Variants in KCNIP1 observed in about 807,000 individuals in gnomAD.
The protein encoded by KCNIP1 is potassium voltage-gated channel interacting protein 1.
In KCNIP1, 18 loss-of-function variants were observed where a neutral mutation model predicts 33.0. The ratio of observed to expected loss-of-function variants is 0.55; its 90% CI spans 0.38 to 0.81. The LOEUF is 0.81. Ranked by LOEUF, KCNIP1 falls within the 30% of genes least tolerant of loss-of-function variation. KCNIP1 has a pLI of 0.00. For missense variants in KCNIP1, 238 were observed against 271.6 expected (o/e 0.88, Z 0.87); for synonymous variants, 93 against 98.3 (o/e 0.95, Z 0.32).
chr5:170,722,160 C>T (rs1581545118), intron 4 of KCNIP1, among the ~76,000 whole-genome samples: 1 of 152,176 alleles, frequency 6.6e-6, no homozygotes, highest in African/African-American at 2.4e-5. Flanking sequence ...CCAGTGGCAG[C>T]CCCTGTACTT....
upstream of KCNIP1, among the ~76,000 whole-genome samples, chr5:170,502,616 T>A (rs939169101): frequency 6.6e-6 from 1 of 152,196 alleles, no homozygotes; most frequent in Non-Finnish European, 1.5e-5. Flanking sequence ...ACAATAGCAA[T>A]GTCTGTGCGG....
intron 1 of KCNIP1, among the ~76,000 whole-genome samples, chr5:170,598,900 TGCGC>T (rs869212626): frequency 2.3e-4 from 21 of 89,544 alleles, no homozygotes; most frequent in South Asian, 2.0e-3. Context: ...TGTGTGTGTG[TGCGC>T]GTGTGTGTGT....
At chr5:170,529,249 G>A (rs1755697799) in intron 1 of KCNIP1, among the ~76,000 whole-genome samples, 1 of 152,162 alleles carries the variant, frequency 6.6e-6, no homozygotes, top group South Asian at 2.1e-4. Context: ...TAACCTTGGG[G>A]TTCCAAGAGT....
At chr5:170,581,562 G>A (rs980651044) in intron 1 of KCNIP1, among the ~76,000 whole-genome samples, 2 of 152,236 alleles carry the variant, frequency 1.3e-5, no homozygotes, top group African/African-American at 2.4e-5. Flanking sequence ...AGGTGGGGAA[G>A]TGACAACCTG....
At chr5:170,438,539 C>A (rs1755917460) in intron 1 of KCNIP1, among the ~76,000 whole-genome samples, 1 of 152,198 alleles carries the variant, frequency 6.6e-6, no homozygotes, top group Non-Finnish European at 1.5e-5. Flanking sequence ...CTTTGCAAGG[C>A]TGCTCTTGAC....
intron 1 of KCNIP1, among the ~76,000 whole-genome samples, chr5:170,469,684 G>A (rs1056528351): frequency 1.8e-4 from 28 of 152,236 alleles, no homozygotes; most frequent in African/African-American, 5.8e-4. Flanking sequence ...CTTACTCTCC[G>A]GCTTTCAACA....
chr5:170,691,111 A>G (rs35647544), intron 1 of KCNIP1, among the ~76,000 whole-genome samples: 42,746 of 152,194 alleles, frequency 0.28, 6,151 homozygotes, highest in South Asian at 0.39. Flanking sequence ...GCATTTCTCT[A>G]TGGCACCACT....
chr5:170,365,337 G>A (rs769585596), intron 1 of KCNIP1, among the ~76,000 whole-genome samples: 4 of 152,086 alleles, frequency 2.6e-5, no homozygotes, highest in Admixed American at 2.0e-4. Flanking sequence ...TTCCACGTCC[G>A]TCTGTCCATC....
intron 1 of KCNIP1, among the ~76,000 whole-genome samples, chr5:170,644,856 G>A (rs1475289032): frequency 6.6e-6 from 1 of 152,230 alleles, no homozygotes; most frequent in Non-Finnish European, 1.5e-5. Context: ...GGCCTCCAGT[G>A]GGGACAGAGA....
chr5:170,576,735 C>G (rs1757618039), intron 1 of KCNIP1, among the ~76,000 whole-genome samples: 1 of 152,184 alleles, frequency 6.6e-6, no homozygotes, highest in African/African-American at 2.4e-5. Flanking sequence ...TGGTACCTGT[C>G]ACAAAGTACA....
chr5:170,578,825 A>T (rs1015675536), intron 1 of KCNIP1, among the ~76,000 whole-genome samples: 1 of 152,234 alleles, frequency 6.6e-6, no homozygotes, highest in Non-Finnish European at 1.5e-5. Flanking sequence ...TTTGGCTAAC[A>T]TATGAATATA....
chr5:170,634,698 A>C (rs1194219499), intron 1 of KCNIP1, among the ~76,000 whole-genome samples: 1 of 152,240 alleles, frequency 6.6e-6, no homozygotes, highest in Non-Finnish European at 1.5e-5. Context: ...AGGACCAGCA[A>C]AGACTGGGAT....
intron 1 of KCNIP1, among the ~76,000 whole-genome samples, chr5:170,637,082 C>T (rs1251992909): frequency 6.6e-6 from 1 of 151,962 alleles, no homozygotes; most frequent in African/African-American, 2.4e-5. Flanking sequence ...GACAGCCAAT[C>T]AGCAGCCTTC....
intron 1 of KCNIP1, among the ~76,000 whole-genome samples, chr5:170,715,899 T>G (rs1763629006): frequency 6.6e-6 from 1 of 152,126 alleles, no homozygotes; most frequent in Non-Finnish European, 1.5e-5. Flanking sequence ...TCAAGGAGGC[T>G]CCCCACGGGT....
At chr5:170,353,896 G>T in exon 1 of KCNIP1, 1 of 1,614,192 alleles carries the variant, frequency 6.2e-7, no homozygotes, top group South Asian at 1.1e-5. Flanking sequence ...TGCTCCAAAA[G>T]ATGCAAGCTT....
chr5:170,470,826 G>T (rs922965450), intron 1 of KCNIP1, among the ~76,000 whole-genome samples: 4 of 152,170 alleles, frequency 2.6e-5, no homozygotes, highest in Non-Finnish European at 4.4e-5. Context: ...CTTGCCCGTG[G>T]GCATGATCTC....
chr5:170,451,743 G>C lies in KCNIP1; in HGVS notation c.88+97779G>C, dbSNP rs551450282. 5.3e-5 allele frequency among the ~76,000 whole-genome samples: 8 copies of C among 150,872 alleles called. No individual in the cohort carries two copies. The South Asian group carries it at 8.4e-4, about 16-fold the overall frequency. On this transcript the variant is annotated intron_variant, in intron 1 of 7. Transcript: ENST00000377360. ...CTGCATTGTGTGTGTGTGTGTGTGTGTGTGTGTGTGTGTGTGTGTGTGTGT... is the reference window on the plus strand; with the variant it reads ...CTGCATTGTGTGTGTGTGTGTGTGTCTGTGTGTGTGTGTGTGTGTGTGTGT...
chr5:170,424,062 G>A (rs1047775776), intron 1 of KCNIP1, among the ~76,000 whole-genome samples: 1 of 152,200 alleles, frequency 6.6e-6, no homozygotes, highest in Non-Finnish European at 1.5e-5. Context: ...CATTAGGCTG[G>A]ACATAAATCA....
intron 1 of KCNIP1, among the ~76,000 whole-genome samples, chr5:170,612,993 C>A (rs1759232909): frequency 6.6e-6 from 1 of 152,202 alleles, no homozygotes; most frequent in Non-Finnish European, 1.5e-5. Context: ...GTCCCATCCG[C>A]TCTTCACATA....
Sources: allele counts gnomAD v4.1 joint callset (sites outside exome capture counted in the v4.1 genomes callset), GRCh38; gene constraint gnomAD v4.1.1; transcripts MANE v1.5; gene names NCBI Gene and HGNC (gene_info 2026-07-23, HGNC 2026-07-21).